Variants in LPIN1 observed in about 807,000 individuals in gnomAD.
LPIN1 encodes the protein phosphatidate phosphatase LPIN1.
In LPIN1, 71 loss-of-function variants were observed where a neutral mutation model predicts 107.5. The observed-to-expected ratio is 0.66, with a 90% CI of 0.55 to 0.80. The LOEUF is 0.80. Ranked by LOEUF, LPIN1 falls within the 30% of genes least tolerant of loss-of-function variation. The pLI, the probability that LPIN1 is intolerant of heterozygous loss-of-function variation, is 0.00. For missense variants in LPIN1, 1,043 were observed against 1,160.6 expected, an observed-to-expected ratio of 0.90 and a Z score of 1.47; for synonymous variants, 445 against 452.6, an observed-to-expected ratio of 0.98 and a Z score of 0.21.
chr2:11,788,333 G>A, intron 11 of LPIN1, 54 bp from the exon 12 acceptor site: 1 of 1,386,614 alleles, frequency 7.2e-7, no homozygotes. Flanking sequence ...ACATTGGAAA[G>A]GTTTTCAGTC....
At chr2:11,815,848 A>G (rs769684758) in intron 18 of LPIN1, among the ~76,000 whole-genome samples, 22 of 152,080 alleles carry the variant, frequency 1.4e-4, no homozygotes, top group Non-Finnish European at 2.5e-4. Flanking sequence ...GGCCATATCA[A>G]GGTAGCTAAG....
chr2:11,790,623 C>T (rs955933553), intron 12 of LPIN1, among the ~76,000 whole-genome samples: 7 of 152,206 alleles, frequency 4.6e-5, no homozygotes, highest in Admixed American at 4.6e-4. Flanking sequence ...GAGCTGCTCA[C>T]AGGGTCTGAC....
rs749162424 is a variant in LPIN1, at chr2:11,791,938, G to C, written c.1738G>C (p.Asp580His). 1 of 1,613,878 alleles carries C rather than the reference G, an allele frequency of 6.2e-7. No homozygotes were observed. Among genetic ancestry groups the C allele is most frequent in the Non-Finnish European group, 8.5e-7 (1 of 1,179,884 alleles). The change falls in exon 13 of 21, where the codon GAT becomes CAT. Residue 580 changes from aspartate (D) to histidine (H), a missense_variant. Physicochemically the swap from Asp to His is moderately conservative, Grantham distance 81. Coordinates refer to ENST00000674199, the MANE Select transcript of LPIN1 (RefSeq NM_001349206.2). ...GGCCACTGTGGAATCTATCATGAGG[G>C]ATAAAATGCCCAAAAAGGGAGGAAG... ...PKATVESIMR[D>H]KMPKKGGRWW...
intron 17 of LPIN1, chr2:11,805,453 G>A (rs1266221765): frequency 9.7e-6 from 5 of 514,780 alleles, no homozygotes; most frequent in Middle Eastern, 5.4e-4. Context: ...AGTTCATCCC[G>A]AGGGATGGCA....
At chr2:11,812,504 T>G (rs1038270539) in intron 17 of LPIN1, among the ~76,000 whole-genome samples, 31 of 150,840 alleles carry the variant, frequency 2.1e-4, no homozygotes, top group African/African-American at 7.6e-4. Flanking sequence ...CTAGATGAGG[T>G]GAGGGTACAA....
chr2:11,685,312 G>A (rs947207771), intron 1 of LPIN1, among the ~76,000 whole-genome samples: 2 of 152,292 alleles, frequency 1.3e-5, no homozygotes, highest in East Asian at 1.9e-4. Context: ...GGAGGCTGGC[G>A]GAGCACAGGC....
Position 11,765,848 on chromosome 2 carries a change from A to G in LPIN1, c.192+115A>G, listed in dbSNP as rs1454724430. The G allele has an allele frequency of 4.6e-6, 4 of 867,426 alleles. No individual in the cohort carries two copies. Among genetic ancestry groups the G allele is most frequent in the Middle Eastern group, 7.0e-4 (2 of 2,858 alleles). The allele number at this position is 867,426 out of a possible 1,614,324, so 53.7% of individuals were successfully genotyped here. On this transcript the variant is annotated intron_variant, in intron 2 of 20. Coordinates refer to ENST00000674199, the MANE Select transcript of LPIN1 (RefSeq NM_001349206.2). This position sits in a 1 kb window ranked among gnomAD's most constrained non-coding sequence, Gnocchi z 4.4. ...ACCCAGAGTTTTAGGTCTTCGTTGGAAATGGCCAGTCACGGAACTGACAGT... is the reference window on the plus strand; with the variant it reads ...ACCCAGAGTTTTAGGTCTTCGTTGGGAATGGCCAGTCACGGAACTGACAGT...
chr2:11,728,353 C>A (rs2148542844), intron 1 of LPIN1, among the ~76,000 whole-genome samples: 1 of 152,186 alleles, frequency 6.6e-6, no homozygotes, highest in Non-Finnish European at 1.5e-5. Context: ...TTTGACATAG[C>A]TGGTTTAAAT....
intron 4 of LPIN1, among the ~76,000 whole-genome samples, chr2:11,773,303 G>A (rs72774001): frequency 6.6e-6 from 1 of 152,164 alleles, no homozygotes; most frequent in East Asian, 1.9e-4. Context: ...CAGGCTTTTG[G>A]AACATGACCG....
chr2:11,771,781 G>C lies in LPIN1; in HGVS notation c.596+102G>C, dbSNP rs1386987737. The stretch of plus-strand genomic sequence containing the variant: ...CCCCCATAATTCCTTATTCTTTTAT[G>C]TGTTTTAGACCAGTGGTCCCCAACC... On this transcript the variant is annotated intron_variant, in intron 4 of 20. Coordinates refer to ENST00000674199, the MANE Select transcript of LPIN1 (RefSeq NM_001349206.2). This position sits in a 1 kb window ranked among gnomAD's most constrained non-coding sequence, Gnocchi z 4.8. 7 of 1,291,378 alleles carry C rather than the reference G, an allele frequency of 5.4e-6. No individual in the cohort carries two copies. The East Asian group carries it at 1.8e-4, about 33-fold the overall frequency. 80.0% of individuals were successfully genotyped at this position (1,291,378 alleles called of 1,614,324 possible). A position where few individuals can be genotyped will look rare whatever the true frequency, so the allele number is the denominator to read the frequency against.
upstream of LPIN1, among the ~76,000 whole-genome samples, chr2:11,720,957 C>T (rs1013372817): frequency 5.3e-5 from 8 of 152,070 alleles, no homozygotes; most frequent in East Asian, 1.9e-4. Flanking sequence ...TGTCTGCCCA[C>T]GCCCTGCTCT....
chr2:11,741,410 A>T (rs1334864803), exon 2 of LPIN1: 2 of 1,550,236 alleles, frequency 1.3e-6, no homozygotes, highest in African/African-American at 2.7e-5. Context: ...GACAACTAGA[A>T]ACCTCATCCA....
upstream of LPIN1, among the ~76,000 whole-genome samples, chr2:11,719,445 C>T (rs1411732538): frequency 1.3e-5 from 2 of 152,160 alleles, no homozygotes; most frequent in African/African-American, 4.8e-5. Flanking sequence ...CACTGAAGCC[C>T]CCTTTGCAGG....
In LPIN1 at chr2:11,819,999, G is replaced by A. The variant is rs2716608; in HGVS notation, c.2517+401G>A. Among the ~76,000 whole-genome samples, 597 of 152,260 alleles carry A rather than the reference G, an allele frequency of 3.9e-3. 5 individuals are homozygous for A. Among genetic ancestry groups the A allele is most frequent in the African/African-American group, 0.013 (559 of 41,524 alleles). ...TGTTGTCTCGTATCATGAAAGAAGC[G>A]CTTTGAGATTTTGCATGTATTGCCC... On this transcript the variant is annotated intron_variant, in intron 19 of 20. Coordinates refer to ENST00000674199, the MANE Select transcript of LPIN1 (RefSeq NM_001349206.2).
intron 3 of LPIN1, among the ~76,000 whole-genome samples, chr2:11,769,591 AT>A (rs575394237): frequency 0.025 from 3,699 of 147,760 alleles, 147 homozygotes; most frequent in African/African-American, 0.085. Context: ...ATGAAGTCTA[AT>A]TTTTTTTTTT....
At chr2:11,742,711 C>T (rs1186391953), upstream of LPIN1, among the ~76,000 whole-genome samples, 1 of 152,234 alleles carries the variant, frequency 6.6e-6, no homozygotes, top group Non-Finnish European at 1.5e-5. Context: ...TGCCTCTCTG[C>T]TGTTCTGTGT....
At position 11,765,852 on chromosome 2, in the gene LPIN1, G is replaced by T; in HGVS notation, c.192+119G>T. On this transcript the variant is annotated intron_variant, in intron 2 of 20. Coordinates refer to ENST00000674199, the MANE Select transcript of LPIN1 (RefSeq NM_001349206.2). The surrounding 1 kb of genome is among the most constrained non-coding windows in gnomAD (Gnocchi z 4.4). ...AGAGTTTTAGGTCTTCGTTGGAAAT[G>T]GCCAGTCACGGAACTGACAGTGACT... is the stretch of plus-strand genomic sequence containing the variant. 1 of 812,532 alleles carries T rather than the reference G, an allele frequency of 1.2e-6. No homozygotes were observed. Among genetic ancestry groups the T allele is most frequent in the Non-Finnish European group, 1.9e-6 (1 of 521,210 alleles). The allele number at this position is 812,532 out of a possible 1,614,324, so 50.3% of individuals were successfully genotyped here.
intron 10 of LPIN1, 46 bp downstream of exon 10, chr2:11,785,122 A>G: frequency 6.9e-7 from 1 of 1,449,386 alleles, no homozygotes; most frequent in Non-Finnish European, 9.2e-7. Context: ...CGCCGGTCAG[A>G]AGGCGCAGAG....
Position 11,786,736 on chromosome 2 carries a change from C to T in LPIN1, c.1550-338C>T, listed in dbSNP as rs1674645342. On this transcript the variant is annotated intron_variant, in intron 10 of 20. Coordinates refer to ENST00000674199, the MANE Select transcript of LPIN1 (RefSeq NM_001349206.2). The surrounding 1 kb of genome is among the most constrained non-coding windows in gnomAD (Gnocchi z 4.1). The stretch of plus-strand genomic sequence containing the variant: ...GTAATCGTGACTTCAGCCGAGGGAG[C>T]CTGGCTTCTGCGCCATGCGTAGCCA... Among the ~76,000 whole-genome samples the T allele has an allele frequency of 6.6e-6, 1 of 152,212 alleles. No homozygotes were observed. The highest frequency in any genetic ancestry group is 6.5e-5 in the Admixed American group (1 of 15,286).
Sources: allele counts gnomAD v4.1 joint callset (sites outside exome capture counted in the v4.1 genomes callset), GRCh38; gene constraint gnomAD v4.1.1; non-coding constraint Gnocchi (gnomAD v3.1); transcripts MANE v1.5; gene names NCBI Gene and HGNC (gene_info 2026-07-23, HGNC 2026-07-21).